Variants in LRRC49 observed in about 807,000 individuals in gnomAD.
LRRC49 encodes the protein leucine-rich repeat-containing protein 49.
A neutral mutation model predicts 83.3 loss-of-function variants in LRRC49; 50 were observed. That is an observed-to-expected ratio of 0.60 (90% confidence interval 0.48 to 0.76). The LOEUF (loss-of-function observed/expected upper bound fraction) is 0.76, where lower values mean the gene tolerates loss of function less well. Ranked by LOEUF, LRRC49 falls within the 30% of genes least tolerant of loss-of-function variation. LRRC49 has a pLI of 0.00. For missense variants in LRRC49, 704 were observed against 809.1 expected, an observed-to-expected ratio of 0.87 and a Z score of 1.58; for synonymous variants, 286 against 283.3, an observed-to-expected ratio of 1.01 and a Z score of -0.10.
intron 2 of LRRC49, chr15:70,895,644 C>T (rs2033800708): frequency 2.2e-6 from 1 of 456,534 alleles, no homozygotes; most frequent in African/African-American, 2.0e-5. Flanking sequence ...CCCTTAAATG[C>T]CTGGAAGCCA....
chr15:70,924,414 A>G (rs1358635881), intron 7 of LRRC49, among the ~76,000 whole-genome samples: 1 of 151,780 alleles, frequency 6.6e-6, no homozygotes, highest in Non-Finnish European at 1.5e-5. Flanking sequence ...TTTTGGGTTG[A>G]TAGTGTTTTC....
At chr15:70,992,503 C>T (rs994513239) in intron 11 of LRRC49, among the ~76,000 whole-genome samples, 15 of 152,072 alleles carry the variant, frequency 9.9e-5, no homozygotes, top group East Asian at 9.7e-4. Flanking sequence ...ATGTCCTTTC[C>T]GTTTGTTAGT....
intron 1 of LRRC49, among the ~76,000 whole-genome samples, chr15:70,857,431 G>A (rs899873399): frequency 6.6e-6 from 1 of 152,070 alleles, no homozygotes; most frequent in African/African-American, 2.4e-5. Context: ...AGGAGGTCGA[G>A]GCTGCAGTGA....
Position 70,994,462 on chromosome 15 carries a change from C to CTTTA in LRRC49, c.1169+10232_1169+10235dup, listed in dbSNP as rs562148532. ...TCACACACCTATTCTTCCATATGAG[C>CTTTA]TTTATTTATTTATTTATTTATTTAT... On this transcript the variant is annotated intron_variant, in intron 11 of 15. Coordinates refer to ENST00000260382, the MANE Select transcript of LRRC49 (RefSeq NM_017691.5). Among the ~76,000 whole-genome samples the CTTTA allele has an allele frequency of 4.4e-3, 673 of 151,586 alleles. 2 individuals carry two copies. Among genetic ancestry groups the CTTTA allele is most frequent in the African/African-American group, 0.011 (438 of 41,314 alleles).
intron 11 of LRRC49, among the ~76,000 whole-genome samples, chr15:71,003,963 G>A (rs2038360713): frequency 6.6e-6 from 1 of 152,100 alleles, no homozygotes; most frequent in Non-Finnish European, 1.5e-5. Context: ...CCACAAAGTT[G>A]ATTGACTTAT....
chr15:70,896,809 C>G (rs2033859091), intron 3 of LRRC49, among the ~76,000 whole-genome samples: 1 of 152,088 alleles, frequency 6.6e-6, no homozygotes, highest in Non-Finnish European at 1.5e-5. Flanking sequence ...TTTTCTCTCT[C>G]TTTTTATTTC....
chr15:70,954,336 T>C (rs2141184242), intron 8 of LRRC49, among the ~76,000 whole-genome samples: 1 of 152,344 alleles, frequency 6.6e-6, no homozygotes, highest in East Asian at 1.9e-4. Flanking sequence ...AACTGTTGGG[T>C]TGTTTTACTG....
At chr15:70,918,622 G>T (rs974925477) in intron 6 of LRRC49, 1 of 153,350 alleles carries the variant, frequency 6.5e-6, no homozygotes, top group Non-Finnish European at 1.5e-5. Flanking sequence ...ATTAATAAGG[G>T]TAACTTGATG....
chr15:70,858,054 AC>A (rs975059929), intron 1 of LRRC49, among the ~76,000 whole-genome samples: 4 of 152,192 alleles, frequency 2.6e-5, no homozygotes, highest in Non-Finnish European at 5.9e-5. Flanking sequence ...CGTTCCAAGA[AC>A]CTTCATACCA....
chr15:70,873,369 A>C, intron 2 of LRRC49: 1 of 924,900 alleles, frequency 1.1e-6, no homozygotes, highest in Non-Finnish European at 1.7e-6. Flanking sequence ...GTGAGGAGGG[A>C]ACAGGAAAAT....
chr15:70,898,756 GC>G, intron 3 of LRRC49, among the ~76,000 whole-genome samples: 1 of 152,108 alleles, frequency 6.6e-6, no homozygotes, highest in South Asian at 2.1e-4. Flanking sequence ...CTAAATTCCA[GC>G]CTGGGTGACA....
chr15:70,952,866 G>A (rs2036269330), intron 8 of LRRC49, among the ~76,000 whole-genome samples: 2 of 152,106 alleles, frequency 1.3e-5, no homozygotes. Flanking sequence ...TTGTTGGATT[G>A]AGCCCTTTAT....
rs1005369213 is a variant in LRRC49 at position 70,928,953 on chromosome 15, C to A, written c.712-7808C>A. ...TTTATCTCTTTCTACTTCTTAAACACCTGCTAGATATAGTATGGACCTTTT... is the reference window on the plus strand; with the variant it reads ...TTTATCTCTTTCTACTTCTTAAACAACTGCTAGATATAGTATGGACCTTTT... On this transcript the variant is annotated intron_variant, in intron 7 of 15. Coordinates refer to ENST00000260382, the MANE Select transcript of LRRC49 (RefSeq NM_017691.5). Among the ~76,000 whole-genome samples, 4 of 152,158 alleles carry A rather than the reference C, an allele frequency of 2.6e-5. No individual in the cohort carries two copies. In the East Asian group the frequency reaches 7.7e-4, roughly 29 times the overall value.
Position 70,936,812 on chromosome 15 carries a change from A to G in LRRC49, c.763A>G (p.Asn255Asp). ...CLQHLFLSFNNISSFDSVSCL... is the reference protein window; with the variant it reads ...CLQHLFLSFNDISSFDSVSCL... Reference sequence around the variant, plus strand: ...CCAACATCTCTTTCTCAGCTTTAACAATATATCTAGGTAAGTGGAAACTCC... The same window carrying G: ...CCAACATCTCTTTCTCAGCTTTAACGATATATCTAGGTAAGTGGAAACTCC... The change falls in exon 8 of 16, where the codon AAT (asparagine) becomes GAT (aspartate). Residue 255 changes from asparagine (N) to aspartate (D), a missense_variant. Transcript: ENST00000260382. The G allele has an allele frequency of 6.2e-7, 1 of 1,607,864 alleles. No individual in the cohort carries two copies. Among genetic ancestry groups the G allele is most frequent in the South Asian group, 1.1e-5 (1 of 90,840 alleles).
intron 11 of LRRC49, among the ~76,000 whole-genome samples, chr15:70,988,734 A>G (rs539622772): frequency 3.3e-5 from 5 of 152,208 alleles, no homozygotes; most frequent in African/African-American, 1.2e-4. Flanking sequence ...CCTAGTCTCG[A>G]TGGCCTTTAC....
intron 8 of LRRC49, among the ~76,000 whole-genome samples, chr15:70,942,310 A>C (rs1247955561): frequency 6.6e-6 from 1 of 152,162 alleles, no homozygotes; most frequent in Non-Finnish European, 1.5e-5. Context: ...ATTTTGGTGC[A>C]TAAGGGCCTT....
At chr15:71,016,548 T>C (rs1398022140) in intron 14 of LRRC49, among the ~76,000 whole-genome samples, 1 of 151,982 alleles carries the variant, frequency 6.6e-6, no homozygotes, top group African/African-American at 2.4e-5. Flanking sequence ...AATAAGAATT[T>C]GAAAGAGAAT....
chr15:70,893,227 T>A (rs1190435542), intron 1 of LRRC49: 10 of 571,064 alleles, frequency 1.8e-5, no homozygotes, highest in Non-Finnish European at 3.1e-5. Context: ...AATTCCTTTT[T>A]CTTTTCTTTT....
At chr15:70,886,952 A>AT (rs1005381463) in intron 2 of LRRC49, among the ~76,000 whole-genome samples, 6 of 152,240 alleles carry the variant, frequency 3.9e-5, no homozygotes, top group African/African-American at 1.2e-4. Context: ...CTCAAACAGA[A>AT]TTTTTTTCAA....
Sources: gnomAD v4.1 joint callset for allele counts (sites outside exome capture counted in the v4.1 genomes callset) on GRCh38, gnomAD v4.1.1 for gene constraint, MANE v1.5 for transcripts, NCBI Gene and HGNC (gene_info 2026-07-23, HGNC 2026-07-21) for gene names.